The following ASXL3 variants were observed in gnomAD, a reference collection of about 807,000 sequenced individuals.
ASXL3 encodes the protein putative Polycomb group protein ASXL3.
ASXL3 carries 34 observed loss-of-function variants against 170.6 expected under a neutral mutation model. That is an observed-to-expected ratio of 0.20 (90% CI 0.15 to 0.27). The LOEUF (loss-of-function observed/expected upper bound fraction) is 0.27, where lower values mean the gene tolerates loss of function less well. Among genes scored for constraint, ASXL3 ranks in the 10% least tolerant of loss-of-function variants. The pLI is 1.00. For missense variants in ASXL3, 2,592 were observed against 2,695.3 expected (o/e 0.96, Z 0.85); for synonymous variants, 1,002 against 989.1 (o/e 1.01, Z -0.24).
intron 1 of ASXL3, among the ~76,000 whole-genome samples, chr18:33,594,265 G>A (rs1398520720): frequency 6.6e-6 from 1 of 152,126 alleles, no homozygotes; most frequent in Non-Finnish European, 1.5e-5. Flanking sequence ...ATTTAGGGTT[G>A]GCTAAAGGTA....
At chr18:33,600,231 T>C (rs2065170001) in intron 1 of ASXL3, among the ~76,000 whole-genome samples, 1 of 152,152 alleles carries the variant, frequency 6.6e-6, no homozygotes, top group South Asian at 2.1e-4. Context: ...TAAAAATATG[T>C]GGCAACGTAT....
chr18:33,683,706 G>C lies in ASXL3; in HGVS notation c.879+138G>C. The stretch of plus-strand genomic sequence containing the variant: ...GCATTTCTATTTATTGCTGTCATTA[G>C]CTTATTTAATCCTCTAAAACAGAAC... On this transcript the variant is annotated intron_variant, in intron 8 of 11. Transcript: ENST00000269197. 4.2e-6 allele frequency: 4 copies of C among 944,796 alleles called. No individual in the cohort carries two copies. In the South Asian group the frequency reaches 8.5e-5, roughly 20 times the overall value. The allele number at this position is 944,796 out of a possible 1,614,324, so 58.5% of individuals were successfully genotyped here. A position where few individuals can be genotyped will look rare whatever the true frequency, so the allele number is the denominator to read the frequency against.
At chr18:33,671,503 C>T (rs2066341138) in intron 6 of ASXL3, among the ~76,000 whole-genome samples, 3 of 152,116 alleles carry the variant, frequency 2.0e-5, no homozygotes, top group Admixed American at 1.3e-4. Context: ...CTTTTAAAAG[C>T]TATCAGATCA....
rs1324589035 is a variant in ASXL3, at chr18:33,668,710, T to C, written c.478-1963T>C. 2.6e-5 allele frequency among the ~76,000 whole-genome samples: 4 copies of C among 152,174 alleles called. No homozygotes were observed. The South Asian group carries it at 6.2e-4, about 24-fold the overall frequency. On this transcript the variant is annotated intron_variant, in intron 5 of 11. Transcript: ENST00000269197. Reference sequence around the variant, plus strand: ...ATTTTTATTATGGTTTTCTTCTGTCTGATTACTAATTTTTCTATAGCAGAG... The same window carrying C: ...ATTTTTATTATGGTTTTCTTCTGTCCGATTACTAATTTTTCTATAGCAGAG...
At chr18:33,625,659 C>G (rs1373110092) in intron 2 of ASXL3, 1 of 152,020 alleles carries the variant, frequency 6.6e-6, no homozygotes, top group African/African-American at 2.4e-5. Context: ...TTCTAGGTAT[C>G]TGACATCAGC....
chr18:33,671,884 T>C lies in ASXL3; in HGVS notation c.715+18T>C. 6.6e-7 allele frequency: 1 copy of C among 1,504,298 alleles called. No individual in the cohort carries two copies. Among genetic ancestry groups the C allele is most frequent in the Non-Finnish European group, 8.9e-7 (1 of 1,126,714 alleles). The allele number at this position is 1,504,298 out of a possible 1,614,324, so 93.2% of individuals were successfully genotyped here. A position where few individuals can be genotyped will look rare whatever the true frequency, so the allele number is the denominator to read the frequency against. On this transcript the variant is annotated intron_variant, in intron 7 of 11. Transcript: ENST00000269197. ...TGGTTTAGGTGAGTGTTTAATAGACTATGCCATTTCACATTTTAGAAATTT... is the reference window on the plus strand; with the variant it reads ...TGGTTTAGGTGAGTGTTTAATAGACCATGCCATTTCACATTTTAGAAATTT...
At chr18:33,679,750 A>G (rs1469835097) in intron 7 of ASXL3, among the ~76,000 whole-genome samples, 1 of 152,118 alleles carries the variant, frequency 6.6e-6, no homozygotes, top group Non-Finnish European at 1.5e-5. Flanking sequence ...GGAAATGTAT[A>G]AAGCTTAAAA....
chr18:33,598,245 T>C (rs1040595186), intron 1 of ASXL3, among the ~76,000 whole-genome samples: 2 of 152,202 alleles, frequency 1.3e-5, no homozygotes, highest in African/African-American at 4.8e-5. Flanking sequence ...CTTGATTTAA[T>C]CATATTAGAT....
intron 8 of ASXL3, among the ~76,000 whole-genome samples, chr18:33,724,509 C>T (rs1165881939): frequency 6.6e-6 from 1 of 151,968 alleles, no homozygotes; most frequent in East Asian, 1.9e-4. Flanking sequence ...CTGTTTCTGT[C>T]AGTGATACTT....
intron 1 of ASXL3, among the ~76,000 whole-genome samples, chr18:33,592,901 A>T (rs896001955): frequency 6.6e-6 from 1 of 152,014 alleles, no homozygotes; most frequent in Non-Finnish European, 1.5e-5. Context: ...CCAGTAAAAA[A>T]TTTTTCATTA....
intron 8 of ASXL3, among the ~76,000 whole-genome samples, chr18:33,728,484 T>C (rs1295598082): frequency 1.3e-5 from 2 of 152,194 alleles, no homozygotes; most frequent in Admixed American, 6.6e-5. Flanking sequence ...AGTTAATATT[T>C]GTAGAAAAAT....
chr18:33,642,554 A>G lies in ASXL3; in HGVS notation c.138-2340A>G, dbSNP rs116201443. Among the ~76,000 whole-genome samples the G allele has an allele frequency of 3.0e-3, 460 of 152,112 alleles. 3 individuals are homozygous for G. The highest frequency in any genetic ancestry group is 0.011 in the African/African-American group (445 of 41,562). Reference sequence around the variant, plus strand: ...TGTTGTATAGTTTTGAAATAAAACAAGTTTCTTTTGGGAAAGATTTATAGA... The same window carrying G: ...TGTTGTATAGTTTTGAAATAAAACAGGTTTCTTTTGGGAAAGATTTATAGA... On this transcript the variant is annotated intron_variant, in intron 2 of 11. Transcript: ENST00000269197.
intron 1 of ASXL3, among the ~76,000 whole-genome samples, chr18:33,580,841 T>C (rs2064985506): frequency 1.3e-5 from 2 of 152,170 alleles, no homozygotes; most frequent in Admixed American, 6.5e-5. Flanking sequence ...TTCAATTTGG[T>C]TTAAGTTATT....
chr18:33,584,880 A>ATG (rs149103064), intron 1 of ASXL3, among the ~76,000 whole-genome samples: 10,689 of 151,458 alleles, frequency 0.071, 411 homozygotes, highest in African/African-American at 0.082. Context: ...TTGTGTATAT[A>ATG]TGTGTGTGTG....
rs925715375 is a variant in ASXL3 at position 33,748,548 on chromosome 18, C to T, written c.*1953C>T. ...GTTAGTTAGCAATGCACTTAACCAG[C>T]CTTACCCGAGGAAAGCAGCATAAGT... On this transcript the variant is annotated 3_prime_UTR_variant, in exon 12 of 12. Transcript: ENST00000269197. 1 of 152,146 alleles carries T rather than the reference C, an allele frequency of 6.6e-6. No homozygotes were observed. The highest frequency in any genetic ancestry group is 2.1e-4 in the South Asian group (1 of 4,826). 9.4% of individuals were successfully genotyped at this position (152,146 alleles called of 1,614,324 possible).
chr18:33,707,270 G>A (rs2066975866), intron 8 of ASXL3, among the ~76,000 whole-genome samples: 1 of 151,706 alleles, frequency 6.6e-6, no homozygotes, highest in Admixed American at 6.6e-5. Context: ...CAGGAATTTT[G>A]GTTATGGATT....
intron 7 of ASXL3, among the ~76,000 whole-genome samples, chr18:33,673,309 T>A (rs1187922708): frequency 1.3e-5 from 2 of 151,970 alleles, no homozygotes; most frequent in African/African-American, 2.4e-5. Context: ...CTTAGTAACT[T>A]CAGGAGCGAA....
chr18:33,649,239 A>G (rs1167357712), intron 4 of ASXL3, among the ~76,000 whole-genome samples: 3 of 152,094 alleles, frequency 2.0e-5, no homozygotes, highest in South Asian at 2.1e-4. Flanking sequence ...GAATGGGACT[A>G]TTCAGCAAAT....
intron 2 of ASXL3, among the ~76,000 whole-genome samples, chr18:33,642,180 T>C (rs2065855385): frequency 6.6e-6 from 1 of 151,990 alleles, no homozygotes; most frequent in South Asian, 2.1e-4. Context: ...ATAAGACTTA[T>C]ATTTATTTCT....
Sources: allele counts gnomAD v4.1 joint callset (sites outside exome capture counted in the v4.1 genomes callset), GRCh38; gene constraint gnomAD v4.1.1; transcripts MANE v1.5; gene names NCBI Gene and HGNC (gene_info 2026-07-23, HGNC 2026-07-21).